The following ASIC2 variants were observed in gnomAD, a reference collection of about 807,000 sequenced individuals.
ASIC2 encodes the protein acid sensing ion channel subunit 2.
In ASIC2, 25 loss-of-function variants were observed where a neutral mutation model predicts 57.3. That is an observed-to-expected ratio of 0.44 (90% CI 0.32 to 0.61). ASIC2 has a LOEUF of 0.61. Among genes scored for constraint, ASIC2 ranks in the 20% least tolerant of loss-of-function variants. The probability of loss-of-function intolerance (pLI) is 0.06; values close to 1 mark genes in which losing one functional copy is unlikely to be tolerated. For missense variants in ASIC2, 641 were observed against 738.1 expected (o/e 0.87, Z 1.52); for synonymous variants, 319 against 307.5 (o/e 1.04, Z -0.39).
At chr17:33,694,344 G>C (rs1044359671) in intron 1 of ASIC2, among the ~76,000 whole-genome samples, 6 of 152,148 alleles carry the variant, frequency 3.9e-5, no homozygotes, top group Non-Finnish European at 8.8e-5. Flanking sequence ...ACCCTGGGAC[G>C]GGAGCACCGT....
At chr17:34,147,706 G>A (rs3744513) in intron 1 of ASIC2, among the ~76,000 whole-genome samples, 64,375 of 151,944 alleles carry the variant, frequency 0.42, 13,942 homozygotes, top group African/African-American at 0.51. Flanking sequence ...ATAGATCATG[G>A]GTCAAATGGC....
At chr17:33,398,242 A>G (rs1214368761) in intron 1 of ASIC2, among the ~76,000 whole-genome samples, 1 of 144,728 alleles carries the variant, frequency 6.9e-6, no homozygotes, top group East Asian at 2.3e-4. Flanking sequence ...TATTTTGTTC[A>G]CTGATGTATC....
chr17:33,427,727 G>C (rs1002307551), intron 1 of ASIC2, among the ~76,000 whole-genome samples: 9 of 152,198 alleles, frequency 5.9e-5, no homozygotes, highest in Non-Finnish European at 1.3e-4. Context: ...CTGTACACTA[G>C]AGATACCTGG....
intron 1 of ASIC2, among the ~76,000 whole-genome samples, chr17:33,331,115 C>T (rs1907296292): frequency 1.3e-5 from 2 of 152,028 alleles, no homozygotes; most frequent in South Asian, 4.1e-4. Flanking sequence ...GAGCACAAAC[C>T]CTATTGTGAA....
chr17:34,156,423 G>A lies in ASIC2; in HGVS notation c.110C>T (p.Pro37Leu). The change falls in exon 1 of 10, where the codon CCG becomes CTG. Residue 37 changes from proline to leucine, a missense_variant. Coordinates refer to the ASIC2 transcript ENST00000359872. The surrounding 1 kb of genome is among the most constrained non-coding windows in gnomAD (Gnocchi z 4.4). Reference sequence around the variant, plus strand: ...CCACAGCACACGCCGGATGGTCAGCGGCCCATACACGAAGATGTGGCGGAT... The same window carrying A: ...CCACAGCACACGCCGGATGGTCAGCAGCCCATACACGAAGATGTGGCGGAT... The A allele has an allele frequency of 2.5e-6, 4 of 1,614,186 alleles. No individual in the cohort carries two copies. Among genetic ancestry groups the A allele is most frequent in the East Asian group, 2.2e-5 (1 of 44,848 alleles).
intron 1 of ASIC2, among the ~76,000 whole-genome samples, chr17:33,495,178 T>A (rs1913888017): frequency 6.6e-6 from 1 of 152,140 alleles, no homozygotes; most frequent in African/African-American, 2.4e-5. Flanking sequence ...TGAGAGTGAG[T>A]GCCTCCTTAA....
intron 1 of ASIC2, among the ~76,000 whole-genome samples, chr17:33,663,346 C>T (rs1443686026): frequency 1.3e-5 from 2 of 152,118 alleles, no homozygotes; most frequent in Non-Finnish European, 2.9e-5. Context: ...ATAGTAGTTT[C>T]TCAGTATGAG....
At chr17:33,234,112 G>A (rs1422079253) in intron 1 of ASIC2, among the ~76,000 whole-genome samples, 1 of 152,204 alleles carries the variant, frequency 6.6e-6, no homozygotes, top group Non-Finnish European at 1.5e-5. Context: ...CCTGGGGAAT[G>A]CATTTTATTA....
At chr17:33,144,772 C>G (rs11656470) in intron 1 of ASIC2, among the ~76,000 whole-genome samples, 11,615 of 152,226 alleles carry the variant, frequency 0.076, 583 homozygotes, top group Non-Finnish European at 0.11. Flanking sequence ...GGAGCTGGGA[C>G]ACCCACTATA....
At chr17:33,686,918 G>T (rs1908213042) in intron 1 of ASIC2, among the ~76,000 whole-genome samples, 1 of 152,156 alleles carries the variant, frequency 6.6e-6, no homozygotes, top group Non-Finnish European at 1.5e-5. Context: ...GAGGGGCAGG[G>T]GTTGGGAAAA....
chr17:34,034,751 T>C (rs1055222191), intron 1 of ASIC2, among the ~76,000 whole-genome samples: 4 of 152,022 alleles, frequency 2.6e-5, no homozygotes, highest in African/African-American at 9.7e-5. Flanking sequence ...ATGAGTGAAC[T>C]CCCATTCACA....
intron 1 of ASIC2, among the ~76,000 whole-genome samples, chr17:33,127,128 C>A (rs925791532): frequency 2.5e-4 from 38 of 149,600 alleles, no homozygotes; most frequent in Admixed American, 4.6e-4. Flanking sequence ...CTCGGCCTCC[C>A]AAAGTGCTGG....
At chr17:34,016,403 G>C (rs1156475544) in intron 1 of ASIC2, among the ~76,000 whole-genome samples, 1 of 109,760 alleles carries the variant, frequency 9.1e-6, no homozygotes, top group Middle Eastern at 0.011. Context: ...CAGCCTGGAC[G>C]AAAGAGCGAG....
rs906795440 is a variant in ASIC2 at position 33,962,545 on chromosome 17, G to T, written c.555+193433C>A. On this transcript the variant is annotated intron_variant, in intron 1 of 9. Coordinates refer to the ASIC2 transcript ENST00000359872. ...TGCACAACATTTTCCATGGTGTGTAGAATGTGGGATGTCTCTTCTGTTATC... is the reference window on the plus strand; with the variant it reads ...TGCACAACATTTTCCATGGTGTGTATAATGTGGGATGTCTCTTCTGTTATC... Among the ~76,000 whole-genome samples the T allele has an allele frequency of 2.0e-5, 3 of 152,122 alleles. No homozygotes were observed. The South Asian group carries it at 6.2e-4, about 32-fold the overall frequency.
rs1916713990 is a variant in ASIC2 at position 33,578,444 on chromosome 17, T to C, written c.556-466377A>G. Among the ~76,000 whole-genome samples, 3 of 152,162 alleles carry C rather than the reference T, an allele frequency of 2.0e-5. No individual in the cohort carries two copies. The South Asian group carries it at 6.2e-4, about 31-fold the overall frequency. On this transcript the variant is annotated intron_variant, in intron 1 of 9. Transcript: ENST00000359872. ...CTTACTCATTTACAGTATCAGTCAT[T>C]TACACCTTAGTATGAATAAAGACTG...
intron 1 of ASIC2, among the ~76,000 whole-genome samples, chr17:33,288,761 A>AC (rs1567811511): frequency 1.6e-5 from 2 of 127,094 alleles, no homozygotes; most frequent in African/African-American, 5.8e-5. Flanking sequence ...CACACACACA[A>AC]CTAATATGGT....
intron 1 of ASIC2, among the ~76,000 whole-genome samples, chr17:33,769,277 C>G (rs752195671): frequency 6.6e-6 from 1 of 152,204 alleles, no homozygotes; most frequent in South Asian, 2.1e-4. Flanking sequence ...CTCACAGGCA[C>G]CCTTGCCTGG....
At chr17:33,751,038 G>A (rs1286252890) in intron 1 of ASIC2, among the ~76,000 whole-genome samples, 1 of 152,100 alleles carries the variant, frequency 6.6e-6, no homozygotes, top group African/African-American at 2.4e-5. Context: ...GAAGGGAGAT[G>A]GGAGGGTTGA....
chr17:33,384,389 G>A (rs542824648), intron 1 of ASIC2, among the ~76,000 whole-genome samples: 1 of 152,320 alleles, frequency 6.6e-6, no homozygotes, highest in Non-Finnish European at 1.5e-5. Flanking sequence ...TTCACTAGGA[G>A]AATGAGCTGC....
Sources: gnomAD v4.1 joint callset for allele counts (sites outside exome capture counted in the v4.1 genomes callset) on GRCh38, gnomAD v4.1.1 for gene constraint, Gnocchi (gnomAD v3.1) non-coding constraint, MANE v1.5 for transcripts, NCBI Gene and HGNC (gene_info 2026-07-23, HGNC 2026-07-21) for gene names.